IL1RAPL1: variants seen among roughly 807,000 people sequenced by gnomAD.
IL1RAPL1 encodes interleukin-1 receptor accessory protein-like 1.
IL1RAPL1 carries 3 observed loss-of-function variants against 48.4 expected under a neutral mutation model. The ratio of observed to expected loss-of-function variants is 0.06; its 90% confidence interval spans 0.03 to 0.16. IL1RAPL1 has a LOEUF of 0.16. Among genes scored for constraint, IL1RAPL1 ranks in the 10% least tolerant of loss-of-function variants. The pLI is 1.00. For synonymous variants in IL1RAPL1, 185 were observed against 187.7 expected, an observed-to-expected ratio of 0.99 and a Z score of 0.12; for missense variants, 349 against 530.6, an observed-to-expected ratio of 0.66 and a Z score of 3.36.
chrX:29,657,662 A>T (rs751325290), intron 5 of IL1RAPL1, among the ~76,000 whole-genome samples: 37 of 111,683 alleles, frequency 3.3e-4, no homozygotes, highest in Middle Eastern at 4.6e-3. Flanking sequence ...CTTGGGATTT[A>T]TCCTTTTTCA....
At chrX:29,648,529 C>T (rs1391699683) in intron 5 of IL1RAPL1, among the ~76,000 whole-genome samples, 1 of 110,876 alleles carries the variant, frequency 9.0e-6, no homozygotes, top group Admixed American at 9.6e-5. Flanking sequence ...ACAACATGCC[C>T]CTGAACAAGC....
chrX:29,670,655 A>G (rs1180029331), intron 6 of IL1RAPL1, among the ~76,000 whole-genome samples: 2 of 112,241 alleles, frequency 1.8e-5, no homozygotes, highest in Non-Finnish European at 3.8e-5. Context: ...AAAGAATATT[A>G]AAGACAAAAA....
chrX:28,768,751 C>CTATATATATA (rs1319423117), intron 1 of IL1RAPL1, among the ~76,000 whole-genome samples: 20 of 63,328 alleles, frequency 3.2e-4, no homozygotes, highest in South Asian at 9.2e-4. Context: ...CTCTCTCTCT[C>CTATATATATA]TCTCTATATA....
intron 2 of IL1RAPL1, among the ~76,000 whole-genome samples, chrX:29,115,910 C>T (rs1429800988): frequency 9.1e-6 from 1 of 110,266 alleles, no homozygotes; most frequent in Non-Finnish European, 1.9e-5. Context: ...AATTTGTGCA[C>T]TCTTTCTATT....
At chrX:29,241,468 G>A (rs1295965354) in intron 2 of IL1RAPL1, among the ~76,000 whole-genome samples, 1 of 111,627 alleles carries the variant, frequency 9.0e-6, no homozygotes, top group Non-Finnish European at 1.9e-5. Context: ...CACAGCTTCT[G>A]TGATGTTATA....
intron 6 of IL1RAPL1, among the ~76,000 whole-genome samples, chrX:29,813,268 C>G (rs1229719020): frequency 2.7e-5 from 3 of 111,438 alleles, no homozygotes; most frequent in Admixed American, 9.6e-5. Flanking sequence ...ATCTTTTACT[C>G]TAAAGCTCTC....
intron 2 of IL1RAPL1, among the ~76,000 whole-genome samples, chrX:28,996,141 C>T (rs1925719835): frequency 9.0e-6 from 1 of 111,310 alleles, no homozygotes; most frequent in Non-Finnish European, 1.9e-5. Context: ...CAGTCCTGGG[C>T]AACTACCAGT....
rs146709729 is a variant in IL1RAPL1, at chrX:29,051,625, T to C, written c.83-231313T>C. Among the ~76,000 whole-genome samples the C allele has an allele frequency of 2.6e-3, 293 of 112,200 alleles. 1 individual carries two copies. The highest frequency in any genetic ancestry group is 9.2e-3 in the Middle Eastern group (2 of 218). On this transcript the variant is annotated intron_variant, in intron 2 of 10. Coordinates refer to ENST00000378993, the MANE Select transcript of IL1RAPL1 (RefSeq NM_014271.4). ...TCTTCATTGGGCAGGGTAGAAACCT[T>C]GGCTACCTTTTGCTGCTTTCCAACT...
chrX:28,815,835 T>TTATA (rs1426032009), intron 2 of IL1RAPL1, among the ~76,000 whole-genome samples: 5 of 27,689 alleles, frequency 1.8e-4, no homozygotes, highest in Non-Finnish European at 3.2e-4. Context: ...GTATGTGTGT[T>TTATA]TATGTATATA....
rs1050139910 is a variant in IL1RAPL1 at position 29,843,131 on chromosome X, T to C, written c.779-74333T>C. ...TGAGAACAACCTCTATTTCGATAAA[T>C]ATTATGGCGTGTACTGAATTATGAG... is the stretch of plus-strand genomic sequence containing the variant. On this transcript the variant is annotated intron_variant, in intron 6 of 10. Coordinates refer to ENST00000378993, the MANE Select transcript of IL1RAPL1 (RefSeq NM_014271.4). 1.8e-4 allele frequency among the ~76,000 whole-genome samples: 20 copies of C among 111,993 alleles called. 1 individual carries two copies. Among genetic ancestry groups the C allele is most frequent in the Middle Eastern group, 8.4e-3 (2 of 239 alleles).
chrX:28,831,030 G>GTCTCTCTCTCTCTCTC (rs1921039949), intron 2 of IL1RAPL1, among the ~76,000 whole-genome samples: 2 of 33,900 alleles, frequency 5.9e-5, no homozygotes, highest in African/African-American at 4.4e-4. Flanking sequence ...CTCTCTCTGT[G>GTCTCTCTCTCTCTCTC]TGTGTGTGTG....
intron 2 of IL1RAPL1, among the ~76,000 whole-genome samples, chrX:28,894,754 A>G (rs1356542687): frequency 9.0e-6 from 1 of 110,749 alleles, no homozygotes; most frequent in East Asian, 2.9e-4. Flanking sequence ...AGTTGTTTGG[A>G]CAGAAAGGCT....
intron 3 of IL1RAPL1, among the ~76,000 whole-genome samples, chrX:29,306,257 G>A (rs368422913): frequency 1.7e-4 from 19 of 111,918 alleles, no homozygotes; most frequent in East Asian, 1.1e-3. Flanking sequence ...GGGGCCGGGC[G>A]CGGTGGCTCA....
intron 5 of IL1RAPL1, among the ~76,000 whole-genome samples, chrX:29,658,530 A>G (rs1410587923): frequency 8.9e-6 from 1 of 112,368 alleles, no homozygotes; most frequent in Non-Finnish European, 1.9e-5. Context: ...ATATTTTTTA[A>G]TGAGAAAAAA....
intron 2 of IL1RAPL1, among the ~76,000 whole-genome samples, chrX:29,233,089 G>A (rs776749655): frequency 5.4e-5 from 6 of 111,820 alleles, no homozygotes; most frequent in South Asian, 7.6e-4. Flanking sequence ...GTGAGCCACC[G>A]TGCCTGGCCG....
chrX:29,649,091 A>C (rs976551592), intron 5 of IL1RAPL1, among the ~76,000 whole-genome samples: 14 of 111,940 alleles, frequency 1.3e-4, no homozygotes, highest in African/African-American at 4.5e-4. Flanking sequence ...GAACAGACCA[A>C]TAACAAGAAA....
intron 6 of IL1RAPL1, among the ~76,000 whole-genome samples, chrX:29,703,063 T>G (rs1165742950): frequency 8.9e-6 from 1 of 112,069 alleles, no homozygotes; most frequent in Non-Finnish European, 1.9e-5. Flanking sequence ...AGGTCAATAA[T>G]AAGACATGAC....
intron 1 of IL1RAPL1, among the ~76,000 whole-genome samples, chrX:28,696,545 CAAAGA>C (rs1334164360): frequency 9.0e-6 from 1 of 110,964 alleles, no homozygotes; most frequent in Non-Finnish European, 1.9e-5. Flanking sequence ...GCTCCCAACA[CAAAGA>C]AAAGATAAAT....
chrX:28,757,889 C>A (rs1334050610), intron 1 of IL1RAPL1, among the ~76,000 whole-genome samples: 1 of 111,763 alleles, frequency 8.9e-6, no homozygotes, highest in Admixed American at 9.5e-5. Flanking sequence ...CTCTACCCTG[C>A]AACAACCCAT....
Sources: allele counts gnomAD v4.1 joint callset (sites outside exome capture counted in the v4.1 genomes callset), GRCh38; gene constraint gnomAD v4.1.1; transcripts MANE v1.5; gene names NCBI Gene and HGNC (gene_info 2026-07-23, HGNC 2026-07-21).